The following IL1R1 variants were observed in gnomAD, a reference collection of about 807,000 sequenced individuals.
The protein encoded by IL1R1 is interleukin 1 receptor type 1.
A neutral mutation model predicts 50.2 loss-of-function variants in IL1R1; 22 were observed. The ratio of observed to expected loss-of-function variants is 0.44; its 90% confidence interval spans 0.31 to 0.63. The LOEUF is 0.63. Among genes scored for constraint, IL1R1 ranks in the 20% least tolerant of loss-of-function variants. The pLI is 0.07. For synonymous variants in IL1R1, 251 were observed against 236.7 expected (o/e 1.06, Z -0.55); for missense variants, 509 against 676.2 (o/e 0.75, Z 2.74).
At chr2:102,152,619 C>T (rs903988916) in intron 1 of IL1R1, among the ~76,000 whole-genome samples, 1 of 151,698 alleles carries the variant, frequency 6.6e-6, no homozygotes, top group Non-Finnish European at 1.5e-5. Flanking sequence ...CCTCCCCCTC[C>T]CCCTCTCCCA....
At chr2:102,176,316 G>T (rs755084343) in intron 11 of IL1R1, 37 bp from the exon 12 acceptor site, 5 of 1,581,982 alleles carry the variant, frequency 3.2e-6, no homozygotes, top group Non-Finnish European at 4.3e-6. Flanking sequence ...ATGATAAATA[G>T]AATTTTACTT....
At chr2:102,154,573 A>G (rs1407058659) in intron 2 of IL1R1, among the ~76,000 whole-genome samples, 2 of 151,666 alleles carry the variant, frequency 1.3e-5, no homozygotes, top group Non-Finnish European at 2.9e-5. Flanking sequence ...TCTGGCCCCA[A>G]GTGTTCTCAA....
intron 3 of IL1R1, among the ~76,000 whole-genome samples, chr2:102,160,686 C>A (rs1684638637): frequency 6.6e-6 from 1 of 152,176 alleles, no homozygotes; most frequent in Non-Finnish European, 1.5e-5. Context: ...CTAGGGACAG[C>A]CTCTATGCCC....
At chr2:102,084,647 C>T (rs575165426) in intron 1 of IL1R1, among the ~76,000 whole-genome samples, 1 of 152,238 alleles carries the variant, frequency 6.6e-6, no homozygotes, top group South Asian at 2.1e-4. Context: ...TGCTGATGAA[C>T]ATTTGGATAG....
chr2:102,111,388 C>G (rs1680752623), intron 1 of IL1R1, among the ~76,000 whole-genome samples: 1 of 152,184 alleles, frequency 6.6e-6, no homozygotes. Context: ...CCAACCTTGT[C>G]CTCCGTGTGA....
chr2:102,177,856 C>T lies in IL1R1; in HGVS notation c.*1097C>T, dbSNP rs1236926102. The T allele has an allele frequency of 3.9e-5, 6 of 152,578 alleles. No homozygotes were observed. The highest frequency in any genetic ancestry group is 1.4e-4 in the African/African-American group (6 of 41,426). 9.5% of individuals were successfully genotyped at this position (152,578 alleles called of 1,614,324 possible). On this transcript the variant is annotated 3_prime_UTR_variant, in exon 12 of 12. Transcript: ENST00000410023. ...GTCCCTTGCACAGCCCACACATGAA[C>T]CATCCTTCCCATGATGCCGCTCTTC... is the stretch of plus-strand genomic sequence containing the variant.
chr2:102,117,420 G>A (rs1681147715), intron 1 of IL1R1, among the ~76,000 whole-genome samples: 1 of 152,148 alleles, frequency 6.6e-6, no homozygotes, highest in Non-Finnish European at 1.5e-5. Flanking sequence ...GCTATTTGTG[G>A]CCTCTGCAGG....
chr2:102,088,344 T>A (rs766189819), intron 1 of IL1R1, among the ~76,000 whole-genome samples: 1 of 152,144 alleles, frequency 6.6e-6, no homozygotes, highest in African/African-American at 2.4e-5. Context: ...AAAACATTAA[T>A]CTCTTTTTAC....
intron 1 of IL1R1, among the ~76,000 whole-genome samples, chr2:102,121,982 G>GAATCAAGAA (rs1367492319): frequency 3.9e-5 from 6 of 152,142 alleles, no homozygotes; most frequent in Admixed American, 6.5e-5. Flanking sequence ...CAGGCAACCA[G>GAATCAAGAA]AATCAAGAAA....
intron 1 of IL1R1, among the ~76,000 whole-genome samples, chr2:102,096,918 T>C (rs1365967312): frequency 1.3e-5 from 2 of 151,718 alleles, no homozygotes; most frequent in Non-Finnish European, 2.9e-5. Flanking sequence ...AAGGAACCAA[T>C]TCTGTTTCCT....
intron 1 of IL1R1, among the ~76,000 whole-genome samples, chr2:102,112,505 C>T (rs2104370459): frequency 6.6e-6 from 1 of 152,100 alleles, no homozygotes; most frequent in South Asian, 2.1e-4. Context: ...ACCTCCCAGT[C>T]CAGGGAAAGG....
In IL1R1 at chr2:102,179,137, G is replaced by A. The variant is rs1686380564; in HGVS notation, c.*2378G>A. On this transcript the variant is annotated 3_prime_UTR_variant, in exon 12 of 12. Transcript: ENST00000410023. ...GAGCAGGGATGTCACGTCTTGAAAA[G>A]CCTATTAGATGTTTTACAAATTTAA... 6.6e-6 allele frequency: 1 copy of A among 152,316 alleles called. No homozygotes were observed. The highest frequency in any genetic ancestry group is 1.5e-5 in the Non-Finnish European group (1 of 68,030). 9.4% of individuals were successfully genotyped at this position (152,316 alleles called of 1,614,324 possible). A position where few individuals can be genotyped will look rare whatever the true frequency, so the allele number is the denominator to read the frequency against.
intron 1 of IL1R1, among the ~76,000 whole-genome samples, chr2:102,099,189 G>A (rs28432036): frequency 6.6e-6 from 1 of 152,092 alleles, no homozygotes; most frequent in South Asian, 2.1e-4. Flanking sequence ...TTTTCCCATA[G>A]TAGGCTTGGT....
intron 3 of IL1R1, among the ~76,000 whole-genome samples, chr2:102,160,457 C>G (rs1684614493): frequency 6.6e-6 from 1 of 151,994 alleles, no homozygotes; most frequent in Non-Finnish European, 1.5e-5. Context: ...CTGTATCTTA[C>G]CATATTTTGA....
intron 1 of IL1R1, among the ~76,000 whole-genome samples, chr2:102,098,511 C>G (rs1680000568): frequency 6.6e-6 from 1 of 152,048 alleles, no homozygotes; most frequent in South Asian, 2.1e-4. Context: ...AAAATGCTTG[C>G]TTTTTACTGT....
intron 1 of IL1R1, chr2:102,105,018 A>G (rs1221020396): frequency 6.6e-6 from 1 of 152,164 alleles, no homozygotes; most frequent in Non-Finnish European, 1.5e-5. Flanking sequence ...TCGAAACAAC[A>G]TTTTAAGGAT....
intron 2 of IL1R1, chr2:102,156,305 T>A (rs1441930981): frequency 1.3e-5 from 2 of 152,624 alleles, no homozygotes; most frequent in African/African-American, 2.4e-5. Flanking sequence ...CTGATGTGAA[T>A]AAAGGGTCAG....
rs563718931 is a variant in IL1R1, at chr2:102,149,677, AC to A, written c.-83-4263del. ...CTGTGTGGTCATTCCCATGGACTCA[AC>A]TGCCTGGTTCATAGACTGGCCAGGG... On this transcript the variant is annotated intron_variant, in intron 1 of 11. Transcript: ENST00000410023. Among the ~76,000 whole-genome samples the A allele has an allele frequency of 2.5e-3, 383 of 152,150 alleles. 3 individuals are homozygous for A. Among genetic ancestry groups the A allele is most frequent in the African/African-American group, 7.3e-3 (305 of 41,502 alleles).
chr2:102,103,122 T>G (rs928057253), upstream of IL1R1, among the ~76,000 whole-genome samples: 1 of 152,078 alleles, frequency 6.6e-6, no homozygotes, highest in African/African-American at 2.4e-5. Context: ...ATAACAGACC[T>G]GCACAAGTAC....
Sources: allele counts gnomAD v4.1 joint callset (sites outside exome capture counted in the v4.1 genomes callset), GRCh38; gene constraint gnomAD v4.1.1; transcripts MANE v1.5; gene names NCBI Gene and HGNC (gene_info 2026-07-23, HGNC 2026-07-21).